PARD3: variants seen among roughly 807,000 people sequenced by gnomAD.
PARD3 encodes partitioning defective 3 homolog.
PARD3 carries 75 observed loss-of-function variants against 155.4 expected under a neutral mutation model. The observed-to-expected ratio is 0.48, with a 90% CI of 0.40 to 0.58. PARD3 has a LOEUF of 0.58. PARD3 is among the 20% of genes least tolerant of loss of function. The probability of loss-of-function intolerance (pLI) is 0.00; values close to 1 mark genes in which losing one functional copy is unlikely to be tolerated. For synonymous variants in PARD3, 576 were observed against 610.5 expected (o/e 0.94, Z 0.83); for missense variants, 1,642 against 1,721.7 (o/e 0.95, Z 0.82).
At chr10:34,530,718 G>C (rs902001970) in intron 2 of PARD3, among the ~76,000 whole-genome samples, 4 of 152,178 alleles carry the variant, frequency 2.6e-5, no homozygotes, top group African/African-American at 4.8e-5. Context: ...CACAAGGAAG[G>C]CACCTTCATT....
chr10:34,499,629 T>G (rs896183569), intron 3 of PARD3, among the ~76,000 whole-genome samples: 108 of 152,230 alleles, frequency 7.1e-4, no homozygotes, highest in Non-Finnish European at 2.5e-4. Context: ...AAATTTTATA[T>G]TTATAACATA....
chr10:34,760,938 T>C (rs988619619), intron 1 of PARD3, among the ~76,000 whole-genome samples: 1 of 152,160 alleles, frequency 6.6e-6, no homozygotes, highest in Admixed American at 6.5e-5. Context: ...TTTAAACCAC[T>C]AAGTTTTGGG....
At chr10:34,579,572 G>GTGTGTGTGTGTGTGTGTGTGTGTA in intron 2 of PARD3, among the ~76,000 whole-genome samples, 1 of 149,660 alleles carries the variant, frequency 6.7e-6, no homozygotes, top group East Asian at 2.0e-4. Flanking sequence ...GTGTGTGTGT[G>GTGTGTGTGTGTGTGTGTGTGTGTA]TGTGTGTGTG....
chr10:34,642,761 T>C (rs2490815), intron 2 of PARD3, among the ~76,000 whole-genome samples: 70,776 of 151,576 alleles, frequency 0.47, 17,798 homozygotes, highest in African/African-American at 0.66. Context: ...ATCTGGCCAC[T>C]TTGCCCTCTT....
rs1379846924 is a variant in PARD3, at chr10:34,269,845, A to G, written c.3231T>C (p.Tyr1077=). The change falls in exon 22 of 25, where the codon TAT becomes TAC. Residue 1077 remains tyrosine (Y), a synonymous_variant. Coordinates refer to ENST00000374788, the MANE Select transcript of PARD3 (RefSeq NM_001184785.2). ...FRERQARERD[Y]AEIQDFHRTF... is the part of the protein sequence containing the mutation. Reference sequence around the variant, plus strand: ...TCCGATGAAAATCTTGAATTTCAGCATAGTCACGCTCTCGAGCTTGTCGTT... The same window carrying G: ...TCCGATGAAAATCTTGAATTTCAGCGTAGTCACGCTCTCGAGCTTGTCGTT... 3.1e-6 allele frequency: 5 copies of G among 1,613,808 alleles called. No homozygotes were observed. The South Asian group carries it at 5.5e-5, about 18-fold the overall frequency.
At position 34,331,215 on chromosome 10, in the gene PARD3, A is replaced by G; in HGVS notation, c.2735T>C (p.Ile912Thr). Residue 912 changes from isoleucine (I) to threonine (T), a missense_variant, in exon 19 of 25, where the codon ATA (isoleucine) becomes ACA (threonine). Coordinates refer to ENST00000374788, the MANE Select transcript of PARD3 (RefSeq NM_001184785.2). Reference sequence around the variant, plus strand: ...CTCATTGCATCCCCTGCCTCTGATTATCCGCGGCCGTGGACGATGGAAAGG... The same window carrying G: ...CTCATTGCATCCCCTGCCTCTGATTGTCCGCGGCCGTGGACGATGGAAAGG... ...DIPFHRPRPR[I>T]IRGRGCNESF... 6.2e-7 allele frequency: 1 copy of G among 1,614,094 alleles called. No homozygotes were observed. Among genetic ancestry groups the G allele is most frequent in the Non-Finnish European group, 8.5e-7 (1 of 1,180,000 alleles).
At chr10:34,272,875 C>A (rs749103371) in intron 21 of PARD3, among the ~76,000 whole-genome samples, 2 of 152,128 alleles carry the variant, frequency 1.3e-5, no homozygotes, top group Non-Finnish European at 2.9e-5. Context: ...AAAAGACGTT[C>A]GCCACCACCA....
intron 2 of PARD3, among the ~76,000 whole-genome samples, chr10:34,607,098 C>A (rs926663328): frequency 2.0e-5 from 3 of 151,678 alleles, no homozygotes; most frequent in African/African-American, 7.3e-5. Flanking sequence ...AAATCTTAAT[C>A]TTTGGGGGCC....
chr10:34,733,162 T>C (rs1030250276), intron 1 of PARD3, among the ~76,000 whole-genome samples: 2 of 152,216 alleles, frequency 1.3e-5, no homozygotes, highest in Non-Finnish European at 2.9e-5. Flanking sequence ...TGCCTGCCTC[T>C]ACTTACACTT....
intron 2 of PARD3, among the ~76,000 whole-genome samples, chr10:34,653,350 C>A (rs2093071415): frequency 6.6e-6 from 1 of 152,210 alleles, no homozygotes; most frequent in South Asian, 2.1e-4. Flanking sequence ...AAGAATCCCA[C>A]TGGCTTCTTC....
intron 1 of PARD3, among the ~76,000 whole-genome samples, chr10:34,773,306 C>A (rs1203552258): frequency 2.0e-5 from 3 of 152,172 alleles, no homozygotes; most frequent in Non-Finnish European, 4.4e-5. Context: ...CTAGTACAAG[C>A]ATGTTTCATT....
At chr10:34,726,549 C>CTG (rs2094716485) in intron 1 of PARD3, among the ~76,000 whole-genome samples, 1 of 152,220 alleles carries the variant, frequency 6.6e-6, no homozygotes, top group South Asian at 2.1e-4. Flanking sequence ...TGCCACTGAA[C>CTG]TCCAGCCTGG....
At position 34,698,630 on chromosome 10, in the gene PARD3, C is replaced by T. The variant is rs545376753; in HGVS notation, c.121-2211G>A. Among the ~76,000 whole-genome samples, 18 of 152,296 alleles carry T rather than the reference C, an allele frequency of 1.2e-4. No individual in the cohort carries two copies. The South Asian group carries it at 3.5e-3, about 30-fold the overall frequency. Reference sequence around the variant, plus strand: ...AATCATAGCTCAATGCAGCCTCCAACTCCTGGGCTCAAGCAATCCTCCCAC... The same window carrying T: ...AATCATAGCTCAATGCAGCCTCCAATTCCTGGGCTCAAGCAATCCTCCCAC... On this transcript the variant is annotated intron_variant, in intron 1 of 24. Coordinates refer to ENST00000374788, the MANE Select transcript of PARD3 (RefSeq NM_001184785.2).
chr10:34,359,073 C>A, intron 14 of PARD3, 74 bp downstream of exon 14: 1 of 1,171,364 alleles, frequency 8.5e-7, no homozygotes, highest in South Asian at 1.4e-5. Flanking sequence ...AACCTAATAC[C>A]CTTTGCCCAA....
At chr10:34,360,640 T>G (rs1260664761) in intron 12 of PARD3, among the ~76,000 whole-genome samples, 1 of 152,170 alleles carries the variant, frequency 6.6e-6, no homozygotes, top group Non-Finnish European at 1.5e-5. Flanking sequence ...ATATAATTCA[T>G]TTATCTCCCT....
At chr10:34,609,550 T>C (rs530455949) in intron 2 of PARD3, among the ~76,000 whole-genome samples, 1 of 152,202 alleles carries the variant, frequency 6.6e-6, no homozygotes, top group Non-Finnish European at 1.5e-5. Context: ...TTCCCTCTTT[T>C]TGTTTGTTTA....
chr10:34,584,535 A>G (rs991789122), intron 2 of PARD3, among the ~76,000 whole-genome samples: 2 of 152,212 alleles, frequency 1.3e-5, no homozygotes, highest in African/African-American at 4.8e-5. Context: ...TCCTGTGTAC[A>G]GTACCTTGAA....
chr10:34,719,898 A>T (rs907471670), intron 1 of PARD3, among the ~76,000 whole-genome samples: 3 of 152,196 alleles, frequency 2.0e-5, no homozygotes, highest in Non-Finnish European at 4.4e-5. Context: ...TCACAGGGCA[A>T]AACCCATGTG....
chr10:34,543,208 C>T (rs1424535583), intron 2 of PARD3, among the ~76,000 whole-genome samples: 5 of 151,878 alleles, frequency 3.3e-5, no homozygotes, highest in African/African-American at 7.3e-5. Flanking sequence ...AAGGTTGAGG[C>T]TACCATGAGC....
Sources: gnomAD v4.1 joint callset for allele counts (sites outside exome capture counted in the v4.1 genomes callset) on GRCh38, gnomAD v4.1.1 for gene constraint, MANE v1.5 for transcripts, NCBI Gene and HGNC (gene_info 2026-07-23, HGNC 2026-07-21) for gene names.